The following SPATA31F3 variants were observed in gnomAD, a reference collection of about 807,000 sequenced individuals.
The protein encoded by SPATA31F3 is protein SPATA31F3.
chr9:34,892,974 T>C, the SPATA31F3 span: 1 of 710,372 alleles, frequency 1.4e-6, no homozygotes, highest in Non-Finnish European at 2.5e-6. Flanking sequence ...ACACTAGATG[T>C]GGACAAAGCC....
the SPATA31F3 span, chr9:34,892,774 G>A: frequency 7.0e-6 from 4 of 568,398 alleles, no homozygotes; most frequent in Admixed American, 5.5e-5. Flanking sequence ...ACACAGCTGG[G>A]ACTTGAGATC....
At chr9:34,895,181 G>A in the SPATA31F3 span, 2 of 397,874 alleles carry the variant, frequency 5.0e-6, no homozygotes, top group Non-Finnish European at 8.9e-6. Flanking sequence ...GTCTTTTTCT[G>A]TGTTCCAATT....
chr9:34,889,347 T>TAG, the SPATA31F3 span: 1 of 398,626 alleles, frequency 2.5e-6, no homozygotes, highest in Non-Finnish European at 4.4e-6. Context: ...GAAGGGAGTG[T>TAG]TGCTAGAGCA....
the SPATA31F3 span, among the ~76,000 whole-genome samples, chr9:34,892,372 T>G: frequency 6.6e-6 from 1 of 152,202 alleles, no homozygotes; most frequent in Non-Finnish European, 1.5e-5. Context: ...AGAGATAGCA[T>G]TCAGAGTGAA....
the SPATA31F3 span, chr9:34,894,609 T>C: frequency 2.5e-6 from 1 of 397,636 alleles, no homozygotes. Context: ...AACCCCAGAG[T>C]CAGAACACTA....
chr9:34,892,806 C>A, the SPATA31F3 span: 1 of 629,532 alleles, frequency 1.6e-6, no homozygotes. Flanking sequence ...TGAAAGTGAT[C>A]AGCCCAGGAA....
chr9:34,889,405 C>T, the SPATA31F3 span: 9 of 398,518 alleles, frequency 2.3e-5, no homozygotes, highest in Admixed American at 4.4e-5. Context: ...CCTTCCTCCT[C>T]AGTAGAAGGA....
chr9:34,891,569 C>T, the SPATA31F3 span, among the ~76,000 whole-genome samples: 1 of 152,322 alleles, frequency 6.6e-6, no homozygotes, highest in Non-Finnish European at 1.5e-5. Context: ...CATCAGGTCA[C>T]AGGATGAACT....
chr9:34,892,272 C>CA, the SPATA31F3 span, among the ~76,000 whole-genome samples: 3 of 152,128 alleles, frequency 2.0e-5, no homozygotes, highest in African/African-American at 7.2e-5. Context: ...GTGGATCCTT[C>CA]AAAAACCCTG....
At chr9:34,889,411 A>G in the SPATA31F3 span, 1 of 398,626 alleles carries the variant, frequency 2.5e-6, no homozygotes, top group Non-Finnish European at 4.4e-6. Context: ...TCCTCAGTAG[A>G]AGGAGGCTGA....
the SPATA31F3 span, chr9:34,892,969 AG>A: frequency 2.9e-6 from 2 of 697,462 alleles, no homozygotes; most frequent in Non-Finnish European, 5.1e-6. Context: ...AAGACACACT[AG>A]ATGTGGACAA....
At chr9:34,889,423 C>T in the SPATA31F3 span, 1 of 398,628 alleles carries the variant, frequency 2.5e-6, no homozygotes. Context: ...GGAGGCTGAG[C>T]CTCAGGGTCC....
At chr9:34,893,336 C>T in the SPATA31F3 span, among the ~76,000 whole-genome samples, 394 of 152,256 alleles carry the variant, frequency 2.6e-3, 6 homozygotes, top group Non-Finnish European at 3.5e-3. Context: ...CATAGTGGCT[C>T]ATGCCTCTAA....
the SPATA31F3 span, chr9:34,894,626 A>T: frequency 2.5e-6 from 1 of 397,374 alleles, no homozygotes; most frequent in African/African-American, 2.1e-5. Context: ...ACTAAGTCAC[A>T]TCTGTGTATA....
the SPATA31F3 span, among the ~76,000 whole-genome samples, chr9:34,890,856 C>T: frequency 2.0e-5 from 3 of 152,160 alleles, no homozygotes; most frequent in African/African-American, 7.2e-5. Flanking sequence ...TCTAGCGGTA[C>T]CATCTCCATC....
At chr9:34,894,797 G>A in the SPATA31F3 span, among the ~76,000 whole-genome samples, 4 of 152,204 alleles carry the variant, frequency 2.6e-5, no homozygotes, top group Non-Finnish European at 5.9e-5. Flanking sequence ...TGACAGAGTT[G>A]AGGACTTCTG....
chr9:34,891,957 G>T, the SPATA31F3 span, among the ~76,000 whole-genome samples: 1 of 152,196 alleles, frequency 6.6e-6, no homozygotes, highest in Non-Finnish European at 1.5e-5. Context: ...TGGGGGAAAA[G>T]GTGGGGAAGG....
chr9:34,891,892 C>G, the SPATA31F3 span, among the ~76,000 whole-genome samples: 6 of 152,102 alleles, frequency 3.9e-5, no homozygotes, highest in Non-Finnish European at 5.9e-5. Flanking sequence ...TTTCACTTAG[C>G]CTGAGTCAGA....
the SPATA31F3 span, among the ~76,000 whole-genome samples, chr9:34,895,349 G>A: frequency 6.6e-6 from 1 of 152,106 alleles, no homozygotes; most frequent in Non-Finnish European, 1.5e-5. Flanking sequence ...GAGACGGGAG[G>A]AAAAGTGGAA....
Sources: allele counts gnomAD v4.1 joint callset (sites outside exome capture counted in the v4.1 genomes callset), GRCh38; gene constraint gnomAD v4.1.1; transcripts MANE v1.5; gene names NCBI Gene and HGNC (gene_info 2026-07-23, HGNC 2026-07-21).